The following ZDHHC14 variants were observed in gnomAD, a reference collection of about 807,000 sequenced individuals.
ZDHHC14 encodes palmitoyltransferase ZDHHC14.
ZDHHC14 carries 16 observed loss-of-function variants against 47.7 expected under a neutral mutation model. That is an observed-to-expected ratio of 0.34 (90% CI 0.23 to 0.51). ZDHHC14 has a LOEUF of 0.51. Among genes scored for constraint, ZDHHC14 ranks in the 20% least tolerant of loss-of-function variants. The pLI is 0.97. For missense variants in ZDHHC14, 515 were observed against 662.5 expected (o/e 0.78, Z 2.44); for synonymous variants, 293 against 278.9 (o/e 1.05, Z -0.50).
Position 157,653,573 on chromosome 6 carries a change from A to C in ZDHHC14, c.1014A>C (p.Ala338=). The C allele has an allele frequency of 6.2e-7, 1 of 1,614,012 alleles. No homozygotes were observed. The highest frequency in any genetic ancestry group is 8.5e-7 in the Non-Finnish European group (1 of 1,179,978). Residue 338 remains alanine, a synonymous_variant, in exon 8 of 9, where the codon GCA becomes GCC. Coordinates refer to ENST00000359775, the MANE Select transcript of ZDHHC14 (RefSeq NM_024630.3). The part of the protein sequence containing the change: ...GYIQPDTPQP[A]APSNGITMYG... ...TCCAGCCCGACACGCCGCAGCCAGC[A>C]GCACCCTCCAATGGCATCACCATGT...
chr6:157,381,464 C>G lies in ZDHHC14; in HGVS notation c.-558C>G, dbSNP rs1188713321. 5.2e-5 allele frequency: 18 copies of G among 343,452 alleles called. No homozygotes were observed. The East Asian group carries it at 1.9e-3, about 36-fold the overall frequency. 21.3% of individuals were successfully genotyped at this position (343,452 alleles called of 1,614,324 possible). On this transcript the variant is annotated 5_prime_UTR_variant, in exon 1 of 9. Coordinates refer to ENST00000359775, the MANE Select transcript of ZDHHC14 (RefSeq NM_024630.3). Reference sequence around the variant, plus strand: ...TGTCCCCACCCCTGGGAGGGGTTGCCGGTGCCGCGCGCGGCCGCCCAGTCG... The same window carrying G: ...TGTCCCCACCCCTGGGAGGGGTTGCGGGTGCCGCGCGCGGCCGCCCAGTCG...
At chr6:157,636,085 C>T (rs1583052687) in intron 5 of ZDHHC14, among the ~76,000 whole-genome samples, 1 of 152,144 alleles carries the variant, frequency 6.6e-6, no homozygotes, top group South Asian at 2.1e-4. Context: ...GTCCTAAAAA[C>T]CCAGACGCAG....
At chr6:157,650,574 T>C (rs1777784749) in intron 7 of ZDHHC14, among the ~76,000 whole-genome samples, 1 of 151,980 alleles carries the variant, frequency 6.6e-6, no homozygotes, top group South Asian at 2.1e-4. Context: ...TCAGACTCTT[T>C]TGATGACCTA....
chr6:157,671,466 A>G (rs1222669070), intron 8 of ZDHHC14, among the ~76,000 whole-genome samples: 1 of 152,192 alleles, frequency 6.6e-6, no homozygotes, highest in East Asian at 1.9e-4. Context: ...CTTCCCATCA[A>G]AACACTGCTC....
At chr6:157,580,631 C>A (rs933980030) in intron 2 of ZDHHC14, among the ~76,000 whole-genome samples, 7 of 151,838 alleles carry the variant, frequency 4.6e-5, no homozygotes, top group Non-Finnish European at 8.8e-5. Context: ...TTGTATGTGT[C>A]CAGGAATTTA....
At chr6:157,632,948 C>T (rs1308468936) in intron 5 of ZDHHC14, 66 bp downstream of exon 5, 17 of 1,515,098 alleles carry the variant, frequency 1.1e-5, no homozygotes, top group East Asian at 6.8e-5. Context: ...ACCTTCTGTG[C>T]GCACACCTCC....
chr6:157,401,693 A>G (rs1777642036), intron 1 of ZDHHC14, among the ~76,000 whole-genome samples: 1 of 148,586 alleles, frequency 6.7e-6, no homozygotes, highest in Non-Finnish European at 1.5e-5. Context: ...TGAGATGCGC[A>G]CCTGCTGAGG....
intron 1 of ZDHHC14, among the ~76,000 whole-genome samples, chr6:157,423,062 C>T (rs997280956): frequency 1.3e-5 from 2 of 152,202 alleles, no homozygotes; most frequent in Non-Finnish European, 2.9e-5. Context: ...AGATCATATG[C>T]TTGTCAGGAG....
chr6:157,653,695 C>G (rs1317685488), intron 8 of ZDHHC14, 68 bp downstream of exon 8: 10 of 1,504,806 alleles, frequency 6.6e-6, no homozygotes, highest in Non-Finnish European at 4.6e-6. Context: ...AACAGGCCAC[C>G]AAGCAGCCTT....
intron 1 of ZDHHC14, among the ~76,000 whole-genome samples, chr6:157,530,474 C>T (rs1262664076): frequency 6.6e-6 from 1 of 152,198 alleles, no homozygotes; most frequent in Non-Finnish European, 1.5e-5. Context: ...CCAACAGCAA[C>T]CCAATATCCA....
At chr6:157,404,728 G>A (rs1777709785) in intron 1 of ZDHHC14, among the ~76,000 whole-genome samples, 1 of 152,066 alleles carries the variant, frequency 6.6e-6, no homozygotes, top group Admixed American at 6.5e-5. Context: ...CCTTGTCTTT[G>A]GTTAGATAAC....
intron 1 of ZDHHC14, among the ~76,000 whole-genome samples, chr6:157,398,178 C>T (rs960694730): frequency 2.0e-5 from 3 of 151,656 alleles, no homozygotes; most frequent in African/African-American, 7.3e-5. Flanking sequence ...AGTATGGAAA[C>T]AGGGACGTGT....
chr6:157,556,478 G>A (rs1192538584), intron 2 of ZDHHC14, among the ~76,000 whole-genome samples: 1 of 152,252 alleles, frequency 6.6e-6, no homozygotes, highest in Non-Finnish European at 1.5e-5. Context: ...TCAAAGGCCT[G>A]CCTGGCCGCT....
chr6:157,607,648 G>A (rs747158251), intron 3 of ZDHHC14, among the ~76,000 whole-genome samples: 15 of 152,134 alleles, frequency 9.9e-5, no homozygotes, highest in African/African-American at 1.4e-4. Context: ...CTGCCCTTTC[G>A]TCTGGGTAAA....
intron 5 of ZDHHC14, among the ~76,000 whole-genome samples, chr6:157,634,792 A>G (rs1776883939): frequency 6.6e-6 from 1 of 152,204 alleles, no homozygotes. Context: ...AGACACAAAT[A>G]TCCAACACAG....
At chr6:157,549,977 C>T (rs949383470) in intron 2 of ZDHHC14, among the ~76,000 whole-genome samples, 2 of 152,226 alleles carry the variant, frequency 1.3e-5, no homozygotes, top group Admixed American at 6.5e-5. Context: ...CTTAGGAGGA[C>T]AGCTCCAGAA....
At chr6:157,448,936 A>G (rs1005698174) in intron 1 of ZDHHC14, among the ~76,000 whole-genome samples, 5 of 152,234 alleles carry the variant, frequency 3.3e-5, no homozygotes, top group Non-Finnish European at 7.3e-5. Flanking sequence ...AGACACTATC[A>G]TCCCCATTTT....
chr6:157,447,975 G>A (rs573882769), intron 1 of ZDHHC14, among the ~76,000 whole-genome samples: 2 of 152,144 alleles, frequency 1.3e-5, no homozygotes, highest in South Asian at 2.1e-4. Flanking sequence ...AGGCTCAAGC[G>A]ATCTGCCTGC....
In ZDHHC14 at chr6:157,673,365, T is replaced by G; in HGVS notation, c.*243T>G. The stretch of plus-strand genomic sequence containing the variant: ...TTTGACAACAATGGAAATAGAGAAG[T>G]GGCTGCTTTCTTTTGGTGACCCTCC... On this transcript the variant is annotated 3_prime_UTR_variant, in exon 9 of 9. Coordinates refer to ENST00000359775, the MANE Select transcript of ZDHHC14 (RefSeq NM_024630.3). The surrounding 1 kb of genome is among the most constrained non-coding windows in gnomAD (Gnocchi z 5.4). 1 of 553,660 alleles carries G rather than the reference T, an allele frequency of 1.8e-6. No individual in the cohort carries two copies. Among genetic ancestry groups the G allele is most frequent in the African/African-American group, 2.0e-5 (1 of 50,062 alleles). 34.3% of individuals were successfully genotyped at this position (553,660 alleles called of 1,614,324 possible).
Sources: gnomAD v4.1 joint callset for allele counts (sites outside exome capture counted in the v4.1 genomes callset) on GRCh38, gnomAD v4.1.1 for gene constraint, Gnocchi (gnomAD v3.1) non-coding constraint, MANE v1.5 for transcripts, NCBI Gene and HGNC (gene_info 2026-07-23, HGNC 2026-07-21) for gene names.